The following E2F7 variants were observed in gnomAD, a reference collection of about 807,000 sequenced individuals.
E2F7 encodes the protein E2F transcription factor 7.
E2F7 carries 35 observed loss-of-function variants against 81.1 expected under a neutral mutation model. That is an observed-to-expected ratio of 0.43 (90% confidence interval 0.33 to 0.57). The LOEUF (loss-of-function observed/expected upper bound fraction) is 0.57. Ranked by LOEUF, E2F7 falls within the 20% of genes least tolerant of loss-of-function variation. E2F7 has a pLI of 0.04. For synonymous variants in E2F7, 416 were observed against 416.2 expected (o/e 1.00, Z 0.01); for missense variants, 961 against 1,093.7 (o/e 0.88, Z 1.71).
In E2F7 at chr12:77,056,132, T is replaced by C. The variant is rs1955030481; in HGVS notation, c.94-2A>G. ...TGATCGATCAACAAATATATTTTCC[T>C]ATTTTAAAAAAGAAACTTTTAGCAA... On this transcript the variant is annotated splice_acceptor_variant, in intron 2 of 12. Coordinates refer to ENST00000322886, the MANE Select transcript of E2F7 (RefSeq NM_203394.3). LOFTEE classifies it high-confidence loss of function. 1 of 1,585,530 alleles carries C rather than the reference T, an allele frequency of 6.3e-7. No individual in the cohort carries two copies.
At chr12:77,056,866 C>T (rs998429380) in intron 2 of E2F7, among the ~76,000 whole-genome samples, 1 of 150,608 alleles carries the variant, frequency 6.6e-6, no homozygotes, top group African/African-American at 2.4e-5. Context: ...TACTGAATTG[C>T]TACTGAGGTT....
intron 2 of E2F7, among the ~76,000 whole-genome samples, chr12:77,059,755 G>A (rs1243394571): frequency 3.3e-5 from 5 of 152,020 alleles, no homozygotes; most frequent in African/African-American, 7.3e-5. Flanking sequence ...TCAGGAGATC[G>A]AGACCATCCT....
At chr12:77,060,202 A>AACACCC (rs1407433273) in intron 2 of E2F7, among the ~76,000 whole-genome samples, 1 of 152,104 alleles carries the variant, frequency 6.6e-6, no homozygotes, top group African/African-American at 2.4e-5. Context: ...TCTAACCTGC[A>AACACCC]ACACCCTGGA....
chr12:77,064,569 C>T lies in E2F7; in HGVS notation c.67G>A (p.Val23Ile). The change falls in exon 2 of 13, where the codon GTT (valine) becomes ATT (isoleucine). Residue 23 changes from valine to isoleucine, a missense_variant. Around this residue, in one of 3 missense-constraint regions of E2F7, gnomAD observed 73 missense variants for 68.4 expected, o/e 1.07. Transcript: ENST00000322886. ...TTTTGTGCATTTTCCCCATCTTCAA[C>T]TGCAAAATCTAGTCTGGGCTGCCTG... The part of the protein sequence containing the change: ...SPRQPRLDFA[V>I]EDGENAQKEN... 6.2e-7 allele frequency: 1 copy of T among 1,614,164 alleles called. No homozygotes were observed. Among genetic ancestry groups the T allele is most frequent in the Non-Finnish European group, 8.5e-7 (1 of 1,180,028 alleles).
chr12:77,050,486 C>G, intron 4 of E2F7, 90 bp downstream of exon 4: 1 of 1,360,486 alleles, frequency 7.4e-7, no homozygotes, highest in Non-Finnish European at 1.0e-6. Context: ...ATTGAGGGGC[C>G]CACTCTACTT....
In E2F7 at chr12:77,034,055, G is replaced by A; in HGVS notation, c.1124-13C>T. ...ACCAGTTCTTCATCTACATAAACGA[G>A]AGAATTGGTAGTGTTGTTATACAGC... On this transcript the variant is annotated splice_polypyrimidine_tract_variant and intron_variant, in intron 7 of 12. Coordinates refer to ENST00000322886, the MANE Select transcript of E2F7 (RefSeq NM_203394.3). 6.2e-7 allele frequency: 1 copy of A among 1,607,530 alleles called. No individual in the cohort carries two copies. The highest frequency in any genetic ancestry group is 8.5e-7 in the Non-Finnish European group (1 of 1,177,064).
At chr12:77,024,957 T>G (rs115709397) in intron 12 of E2F7, among the ~76,000 whole-genome samples, 1 of 151,890 alleles carries the variant, frequency 6.6e-6, no homozygotes, top group Non-Finnish European at 1.5e-5. Context: ...CAAATGGAGG[T>G]TGGGGGACAA....
chr12:77,060,574 T>C (rs931663852), intron 2 of E2F7, among the ~76,000 whole-genome samples: 2 of 151,978 alleles, frequency 1.3e-5, no homozygotes, highest in African/African-American at 4.8e-5. Flanking sequence ...TTCCCTCTCA[T>C]GCACATCCCA....
intron 2 of E2F7, among the ~76,000 whole-genome samples, chr12:77,061,898 T>C (rs1478794371): frequency 3.3e-5 from 5 of 152,248 alleles, no homozygotes; most frequent in Non-Finnish European, 7.3e-5. Flanking sequence ...TCTTGTAGGT[T>C]GAGCTTCCTC....
In E2F7 at chr12:77,050,562, C is replaced by T; in HGVS notation, c.538+14G>A. The T allele has an allele frequency of 6.2e-7, 1 of 1,611,576 alleles. No homozygotes were observed. Among genetic ancestry groups the T allele is most frequent in the East Asian group, 2.2e-5 (1 of 44,808 alleles). On this transcript the variant is annotated intron_variant, in intron 4 of 12. Coordinates refer to ENST00000322886, the MANE Select transcript of E2F7 (RefSeq NM_203394.3). ...AACTGGAGACAGACCTCCAGGTAAT[C>T]TGATGATACATACCAAGACTGACAG...
In E2F7 at chr12:77,044,779, T is replaced by G. The variant is rs758804939; in HGVS notation, c.846A>C (p.Arg282Ser). ...PDCPSSSANS[R>S]KDKSLRIMSQ... ...TCATAATTCTCAGAGACTTGTCTTT[T>G]CTACTGTTTGCAGATGCTACACAAG... is the stretch of plus-strand genomic sequence containing the variant. The change falls in exon 6 of 13, where the codon AGA becomes AGC. Residue 282 changes from arginine (R) to serine (S), a missense_variant. Coordinates refer to ENST00000322886, the MANE Select transcript of E2F7 (RefSeq NM_203394.3). The G allele has an allele frequency of 6.2e-7, 1 of 1,613,810 alleles. No homozygotes were observed. The highest frequency in any genetic ancestry group is 8.5e-7 in the Non-Finnish European group (1 of 1,179,986).
chr12:77,034,396 A>G (rs1301930552), intron 7 of E2F7, among the ~76,000 whole-genome samples: 1 of 152,234 alleles, frequency 6.6e-6, no homozygotes, highest in African/African-American at 2.4e-5. Flanking sequence ...AAGCCCGACC[A>G]TGCTCAGCCC....
At chr12:77,025,085 TACAC>T (rs1487569825) in intron 12 of E2F7, among the ~76,000 whole-genome samples, 1 of 152,138 alleles carries the variant, frequency 6.6e-6, no homozygotes, top group Non-Finnish European at 1.5e-5. Flanking sequence ...ACAGACATTA[TACAC>T]ACACACAGTC....
rs761950129 is a variant in E2F7 at position 77,050,553 on chromosome 12, C to T, written c.538+23G>A. 4 of 1,610,916 alleles carry T rather than the reference C, an allele frequency of 2.5e-6. No individual in the cohort carries two copies. The Admixed American group carries it at 6.7e-5, about 27-fold the overall frequency. The stretch of plus-strand genomic sequence containing the variant: ...TCCCACTGTAACTGGAGACAGACCT[C>T]CAGGTAATCTGATGATACATACCAA... On this transcript the variant is annotated intron_variant, in intron 4 of 12. Coordinates refer to ENST00000322886, the MANE Select transcript of E2F7 (RefSeq NM_203394.3).
At chr12:77,038,575 AAC>A (rs1216446960) in intron 7 of E2F7, among the ~76,000 whole-genome samples, 3 of 152,188 alleles carry the variant, frequency 2.0e-5, no homozygotes, top group African/African-American at 7.2e-5. Context: ...AGACAATGAA[AAC>A]ACACATATTG....
intron 2 of E2F7, among the ~76,000 whole-genome samples, chr12:77,056,578 T>C (rs768631549): frequency 3.3e-5 from 5 of 152,192 alleles, no homozygotes; most frequent in Non-Finnish European, 5.9e-5. Context: ...GACCAGTTAA[T>C]GGAAGAGCAT....
chr12:77,064,276 T>A (rs1955100818), intron 2 of E2F7, among the ~76,000 whole-genome samples: 1 of 152,220 alleles, frequency 6.6e-6, no homozygotes. Flanking sequence ...TAAACTTTGA[T>A]TGCTGTAGCC....
chr12:77,024,163 T>C lies in E2F7; in HGVS notation c.2588A>G (p.Lys863Arg). The change falls in exon 13 of 13, where the codon AAG becomes AGG. Residue 863 changes from lysine to arginine, a missense_variant. Around this residue, in one of 3 missense-constraint regions of E2F7, gnomAD observed 587 missense variants for 620.3 expected, o/e 0.95. Transcript: ENST00000322886. ...CTCACGATGTGTGCGTTGGATGCTC[T>C]TGGGGGTCACTGGAACTGGTGACTG... ...LHQSPVPVTP[K>R]SIQRTHRETF... 6.2e-7 allele frequency: 1 copy of C among 1,613,832 alleles called. No homozygotes were observed. Among genetic ancestry groups the C allele is most frequent in the Non-Finnish European group, 8.5e-7 (1 of 1,179,954 alleles).
At chr12:77,033,510 C>G (rs1299408561) in intron 8 of E2F7, among the ~76,000 whole-genome samples, 1 of 151,694 alleles carries the variant, frequency 6.6e-6, no homozygotes, top group Non-Finnish European at 1.5e-5. Flanking sequence ...ACCTTTCTCT[C>G]AAAAGAAAAA....
Sources: gnomAD v4.1 joint callset for allele counts (sites outside exome capture counted in the v4.1 genomes callset) on GRCh38, gnomAD v4.1.1 for gene constraint, gnomAD v4.1.1 regional missense constraint, MANE v1.5 for transcripts, NCBI Gene and HGNC (gene_info 2026-07-23, HGNC 2026-07-21) for gene names.